Variants in MYO18B observed in about 807,000 individuals in gnomAD.
MYO18B encodes the protein unconventional myosin-XVIIIb.
Under a neutral mutation model 273.0 loss-of-function variants are expected in MYO18B, and 204 were observed. That is an observed-to-expected ratio of 0.75 (90% CI 0.67 to 0.84). The LOEUF (loss-of-function observed/expected upper bound fraction) is 0.84. Among genes scored for constraint, MYO18B ranks in the 40% least tolerant of loss-of-function variants. MYO18B has a pLI of 0.00. For missense variants in MYO18B, 3,212 were observed against 3,287.6 expected (o/e 0.98, Z 0.56); for synonymous variants, 1,330 against 1,305.7 (o/e 1.02, Z -0.40).
chr22:26,006,816 C>CA (rs1434761434), intron 42 of MYO18B, among the ~76,000 whole-genome samples: 2 of 152,272 alleles, frequency 1.3e-5, no homozygotes, highest in East Asian at 3.9e-4. Context: ...GAAAGAGCCA[C>CA]AAAAAATTAG....
At chr22:25,983,847 T>C (rs776310351) in intron 39 of MYO18B, among the ~76,000 whole-genome samples, 1 of 152,266 alleles carries the variant, frequency 6.6e-6, no homozygotes, top group African/African-American at 2.4e-5. Flanking sequence ...TCACTTCCCA[T>C]TGGATGGCCC....
chr22:25,835,834 G>A (rs2089880341), intron 17 of MYO18B, among the ~76,000 whole-genome samples: 1 of 152,350 alleles, frequency 6.6e-6, no homozygotes, highest in Admixed American at 6.5e-5. Flanking sequence ...CCAGGAACAC[G>A]ATGCAGGACA....
intron 12 of MYO18B, among the ~76,000 whole-genome samples, chr22:25,805,945 C>T (rs1248674857): frequency 6.6e-6 from 1 of 152,168 alleles, no homozygotes; most frequent in Non-Finnish European, 1.5e-5. Context: ...TCCAGGCATT[C>T]CCTGGCCACC....
intron 34 of MYO18B, among the ~76,000 whole-genome samples, chr22:25,931,256 C>T (rs533912264): frequency 6.6e-4 from 101 of 152,238 alleles, no homozygotes; most frequent in African/African-American, 2.4e-3. Context: ...CTGTTCACCC[C>T]ACAAATGTTG....
chr22:25,937,856 A>C (rs1359874626), intron 34 of MYO18B, among the ~76,000 whole-genome samples: 3 of 152,104 alleles, frequency 2.0e-5, no homozygotes, highest in African/African-American at 7.2e-5. Flanking sequence ...AAATGCTGGG[A>C]TTACAGGTGT....
chr22:26,017,108 A>G (rs56288648), intron 42 of MYO18B, among the ~76,000 whole-genome samples: 1 of 113,338 alleles, frequency 8.8e-6, no homozygotes, highest in Admixed American at 9.1e-5. Flanking sequence ...TCACTCACTC[A>G]CTCCCTTCCT....
At chr22:25,982,354 A>G (rs1258545581) in intron 39 of MYO18B, among the ~76,000 whole-genome samples, 1 of 152,208 alleles carries the variant, frequency 6.6e-6, no homozygotes, top group African/African-American at 2.4e-5. Flanking sequence ...CTCCAGCTGC[A>G]GTCAAGCCTG....
At chr22:25,796,074 G>A (rs936127747) in intron 11 of MYO18B, among the ~76,000 whole-genome samples, 17 of 152,038 alleles carry the variant, frequency 1.1e-4, no homozygotes, top group Non-Finnish European at 2.1e-4. Context: ...TCTCATTATC[G>A]GCTGGTGGAT....
chr22:25,768,223 G>C lies in MYO18B; in HGVS notation c.307G>C (p.Asp103His), dbSNP rs370113994. 8.7e-6 allele frequency: 14 copies of C among 1,613,896 alleles called. No individual in the cohort carries two copies. Among genetic ancestry groups the C allele is most frequent in the African/African-American group, 2.7e-5 (2 of 74,938 alleles). The change falls in exon 4 of 44, where the codon GAC becomes CAC. Residue 103 changes from aspartate (D) to histidine (H), a missense_variant. Transcript: ENST00000335473. ...DDQSSSPGSSDILGKESEGSR... is the reference protein window; with the variant it reads ...DDQSSSPGSSHILGKESEGSR... Reference sequence around the variant, plus strand: ...CCAGTCAAGCTCTCCTGGGAGCTCAGACATTCTGGGCAAGGAGAGCGAGGG... The same window carrying C: ...CCAGTCAAGCTCTCCTGGGAGCTCACACATTCTGGGCAAGGAGAGCGAGGG...
At chr22:25,840,463 C>T (rs1259958259) in intron 17 of MYO18B, among the ~76,000 whole-genome samples, 1 of 152,236 alleles carries the variant, frequency 6.6e-6, no homozygotes, top group East Asian at 1.9e-4. Context: ...TTCTCTTCCC[C>T]ACTGCATTGG....
chr22:25,802,521 C>T (rs927030307), intron 12 of MYO18B, among the ~76,000 whole-genome samples: 5 of 151,910 alleles, frequency 3.3e-5, no homozygotes, highest in South Asian at 4.2e-4. Context: ...GAGGCTGAGG[C>T]GGGCAGATCA....
chr22:26,056,227 A>G, the MYO18B span, among the ~76,000 whole-genome samples: 3 of 152,224 alleles, frequency 2.0e-5, no homozygotes, highest in Non-Finnish European at 1.5e-5. Flanking sequence ...GACTGGGTCT[A>G]TATAAAGCCA....
rs1311965817 is a variant in MYO18B at position 25,823,650 on chromosome 22, G to C, written c.2667G>C (p.Trp889Cys). The change falls in exon 13 of 44, where the codon TGG becomes TGC. Residue 889 changes from tryptophan (W) to cysteine (C), a missense_variant. By Grantham distance (215) the Trp-to-Cys change is radical (BLOSUM62 -2). Transcript: ENST00000335473. ...AAATGACGTTTGGGCCAAGCCGATG[G>C]GGCCTCGAGGATGAGGAAACCAGCT... ...IQQMTFGPSR[W>C]GLEDEETSSG... The C allele has an allele frequency of 6.2e-7, 1 of 1,613,864 alleles. No homozygotes were observed. The highest frequency in any genetic ancestry group is 8.5e-7 in the Non-Finnish European group (1 of 1,179,896).
At chr22:26,035,847 C>T (rs771253175), downstream of MYO18B, among the ~76,000 whole-genome samples, 33 of 152,354 alleles carry the variant, frequency 2.2e-4, no homozygotes, top group Middle Eastern at 3.4e-3. Context: ...GTGCAGCAAT[C>T]TGGAAAGCCT....
At chr22:25,836,768 A>T (rs1021960915) in intron 17 of MYO18B, among the ~76,000 whole-genome samples, 12 of 151,910 alleles carry the variant, frequency 7.9e-5, no homozygotes, top group Non-Finnish European at 1.6e-4. Context: ...TGAGACCAGC[A>T]TGGCCAACGT....
intron 12 of MYO18B, among the ~76,000 whole-genome samples, chr22:25,800,773 C>T (rs1032676002): frequency 6.6e-6 from 1 of 151,368 alleles, no homozygotes; most frequent in African/African-American, 2.4e-5. Flanking sequence ...AGTTTCTCCT[C>T]CTGGGGCAGA....
intron 11 of MYO18B, among the ~76,000 whole-genome samples, chr22:25,797,712 C>T (rs142002946): frequency 2.0e-5 from 3 of 152,152 alleles, no homozygotes; most frequent in South Asian, 2.1e-4. Context: ...ATCTGTAATG[C>T]GTGCACACAT....
chr22:25,803,498 G>A lies in MYO18B; in HGVS notation c.2521+5401G>A, dbSNP rs568256470. On this transcript the variant is annotated intron_variant, in intron 12 of 43. Coordinates refer to ENST00000335473, the MANE Select transcript of MYO18B (RefSeq NM_032608.7). The stretch of plus-strand genomic sequence containing the variant: ...ATGCCCCAAACTGGCTTGCACAACA[G>A]GTAAAATTAGGCCCATTTTGTAAAG... 5.5e-4 allele frequency among the ~76,000 whole-genome samples: 84 copies of A among 151,994 alleles called. 4 individuals are homozygous for A. Among genetic ancestry groups the A allele is most frequent in the Non-Finnish European group, 4.3e-4 (29 of 68,012 alleles).
chr22:25,744,041 T>G (rs2085704147), intron 1 of MYO18B, among the ~76,000 whole-genome samples: 1 of 152,134 alleles, frequency 6.6e-6, no homozygotes, highest in Non-Finnish European at 1.5e-5. Context: ...CCACCCAAAT[T>G]GGAGAAGAGC....
Sources: allele counts gnomAD v4.1 joint callset (sites outside exome capture counted in the v4.1 genomes callset), GRCh38; gene constraint gnomAD v4.1.1; transcripts MANE v1.5; gene names NCBI Gene and HGNC (gene_info 2026-07-23, HGNC 2026-07-21).